The following MACROD2 variants were observed in gnomAD, a reference collection of about 807,000 sequenced individuals.
MACROD2 encodes the protein mono-ADP ribosylhydrolase 2, also known as ADP-ribose glycohydrolase MACROD2.
A neutral mutation model predicts 70.4 loss-of-function variants in MACROD2; 36 were observed. The ratio of observed to expected loss-of-function variants is 0.51; its 90% CI spans 0.39 to 0.68. The LOEUF is 0.68. Ranked by LOEUF, MACROD2 falls within the 30% of genes least tolerant of loss-of-function variation. The pLI, the probability that MACROD2 is intolerant of heterozygous loss-of-function variation, is 0.00. For missense variants in MACROD2, 496 were observed against 538.4 expected (o/e 0.92, Z 0.78); for synonymous variants, 172 against 178.8 (o/e 0.96, Z 0.30).
chr20:15,275,812 C>A (rs73262771), intron 6 of MACROD2, among the ~76,000 whole-genome samples: 1,937 of 152,228 alleles, frequency 0.013, 16 homozygotes, highest in African/African-American at 0.027. Context: ...TCCTGAGCTC[C>A]CAGCAGGCCA....
intron 8 of MACROD2, among the ~76,000 whole-genome samples, chr20:15,830,780 T>G (rs1370883012): frequency 6.6e-6 from 1 of 152,224 alleles, no homozygotes; most frequent in East Asian, 1.9e-4. Context: ...AATGTATCCA[T>G]CAAATGAGAT....
At chr20:14,297,504 G>A (rs1056278554) in intron 3 of MACROD2, among the ~76,000 whole-genome samples, 1 of 151,986 alleles carries the variant, frequency 6.6e-6, no homozygotes. Flanking sequence ...AAGTTTGAGT[G>A]GTCTGGAAAG....
intron 3 of MACROD2, among the ~76,000 whole-genome samples, chr20:14,181,071 T>TC (rs1303348065): frequency 6.6e-6 from 1 of 150,702 alleles, no homozygotes; most frequent in South Asian, 2.1e-4. Context: ...TCATTACATT[T>TC]TTTTTTTTTT....
chr20:15,836,524 G>A (rs2064116327), intron 8 of MACROD2, among the ~76,000 whole-genome samples: 1 of 152,138 alleles, frequency 6.6e-6, no homozygotes, highest in African/African-American at 2.4e-5. Context: ...ATCTACTGAT[G>A]TTGGTTTAGT....
chr20:14,035,871 G>A (rs369214963), intron 2 of MACROD2, among the ~76,000 whole-genome samples: 16 of 152,342 alleles, frequency 1.1e-4, no homozygotes, highest in African/African-American at 3.8e-4. Context: ...GGCTGGGCGC[G>A]GTGGCTGACG....
intron 5 of MACROD2, among the ~76,000 whole-genome samples, chr20:14,814,917 T>C (rs2072756056): frequency 7.3e-6 from 1 of 137,402 alleles, no homozygotes; most frequent in Admixed American, 7.5e-5. Flanking sequence ...GCATTGAACA[T>C]TTATTGAATG....
chr20:14,644,236 A>G (rs893720314), intron 4 of MACROD2, among the ~76,000 whole-genome samples: 1 of 152,180 alleles, frequency 6.6e-6, no homozygotes, highest in African/African-American at 2.4e-5. Context: ...TCTTCTCATG[A>G]CAAAGAGCCT....
At chr20:15,066,740 G>A (rs6110508) in intron 5 of MACROD2, among the ~76,000 whole-genome samples, 1 of 152,086 alleles carries the variant, frequency 6.6e-6, no homozygotes, top group East Asian at 2.0e-4. Context: ...AAATTATGCA[G>A]GCGTGGTGGT....
chr20:14,821,207 T>C (rs1487858041), intron 5 of MACROD2, among the ~76,000 whole-genome samples: 1 of 152,106 alleles, frequency 6.6e-6, no homozygotes, highest in Non-Finnish European at 1.5e-5. Context: ...AATGATGACT[T>C]CTTTTTTTCA....
chr20:14,938,940 A>ATTTTT (rs1230863391), intron 5 of MACROD2, among the ~76,000 whole-genome samples: 1,192 of 86,340 alleles, frequency 0.014, 67 homozygotes, highest in African/African-American at 0.046. Flanking sequence ...GTTAAATCAG[A>ATTTTT]TTTTTTTTTT....
chr20:14,844,797 A>C (rs775716264), intron 5 of MACROD2, among the ~76,000 whole-genome samples: 2 of 152,152 alleles, frequency 1.3e-5, no homozygotes, highest in Non-Finnish European at 2.9e-5. Context: ...GAATTTTAAC[A>C]GAAGAAGAAG....
intron 6 of MACROD2, among the ~76,000 whole-genome samples, chr20:15,398,247 G>T (rs1244572073): frequency 6.6e-6 from 1 of 152,098 alleles, no homozygotes; most frequent in Admixed American, 6.5e-5. Flanking sequence ...ATAGAATTTT[G>T]GGGGAGGTTG....
At chr20:15,005,376 C>A (rs1253686262) in intron 5 of MACROD2, among the ~76,000 whole-genome samples, 1 of 152,206 alleles carries the variant, frequency 6.6e-6, no homozygotes, top group Non-Finnish European at 1.5e-5. Context: ...CAAGTGTCCT[C>A]TGTACAGACT....
chr20:14,637,883 C>A (rs1984867963), intron 4 of MACROD2, among the ~76,000 whole-genome samples: 1 of 152,148 alleles, frequency 6.6e-6, no homozygotes, highest in East Asian at 1.9e-4. Context: ...CATGAATAAG[C>A]AACATTTTAG....
intron 4 of MACROD2, among the ~76,000 whole-genome samples, chr20:14,636,805 G>GAAAAAATAAAAT (rs2123482682): frequency 6.6e-6 from 1 of 152,066 alleles, no homozygotes; most frequent in Admixed American, 6.5e-5. Flanking sequence ...ATCCAAGATA[G>GAAAAAATAAAAT]AAAAAATAAA....
chr20:14,089,647 A>G (rs2054122574), intron 3 of MACROD2, among the ~76,000 whole-genome samples: 1 of 152,172 alleles, frequency 6.6e-6, no homozygotes, highest in Non-Finnish European at 1.5e-5. Context: ...GTATGTTTTA[A>G]TAAAACAGAT....
chr20:15,127,216 G>A (rs1314865680), intron 5 of MACROD2, among the ~76,000 whole-genome samples: 1 of 152,062 alleles, frequency 6.6e-6, no homozygotes, highest in Non-Finnish European at 1.5e-5. Context: ...CCTTTCATCA[G>A]AGTGCAGTAG....
intron 5 of MACROD2, among the ~76,000 whole-genome samples, chr20:14,685,526 C>T (rs967493711): frequency 2.6e-5 from 4 of 152,114 alleles, no homozygotes; most frequent in Admixed American, 6.5e-5. Flanking sequence ...TCAAAATTTC[C>T]GTTATATTTT....
intron 4 of MACROD2, among the ~76,000 whole-genome samples, chr20:14,582,122 G>A (rs576654469): frequency 1.6e-4 from 24 of 152,112 alleles, no homozygotes; most frequent in African/African-American, 5.3e-4. Context: ...CCACTTCTCT[G>A]AATAAACTAT....
Sources: allele counts gnomAD v4.1 joint callset (sites outside exome capture counted in the v4.1 genomes callset), GRCh38; gene constraint gnomAD v4.1.1; transcripts MANE v1.5; gene names NCBI Gene and HGNC (gene_info 2026-07-23, HGNC 2026-07-21).